The following ZNF514 variants were observed in gnomAD, a reference collection of about 807,000 sequenced individuals.
ZNF514 encodes zinc finger protein 514.
Under a neutral mutation model 9.7 loss-of-function variants are expected in ZNF514, and 12 were observed. The ratio of observed to expected loss-of-function variants is 1.24; its 90% CI spans 0.79 to 2.01. The LOEUF is 2.01. Ranked by LOEUF, ZNF514 falls within the 30% of genes most tolerant of loss-of-function variation. ZNF514 has a pLI of 0.00. For missense variants in ZNF514, 467 were observed against 465.5 expected (o/e 1.00, Z -0.03); for synonymous variants, 158 against 163.7 (o/e 0.97, Z 0.27).
At chr2:95,131,109 T>A in the ZNF514 span, among the ~76,000 whole-genome samples, 1 of 152,170 alleles carries the variant, frequency 6.6e-6, no homozygotes, top group Non-Finnish European at 1.5e-5. Context: ...ATAGACAGAT[T>A]GACAGAACAA....
Position 95,153,117 on chromosome 2 carries a change from G to C in ZNF514, c.121+16C>G, listed in dbSNP as rs376469481. The C allele has an allele frequency of 6.2e-7, 1 of 1,606,700 alleles. No individual in the cohort carries two copies. Among genetic ancestry groups the C allele is most frequent in the Non-Finnish European group, 8.5e-7 (1 of 1,174,600 alleles). ...AAGAAGTCCTGCTGGGTGGGCTTTG[G>C]AGGGCTTGTGCTCACCCAGAATGGC... is the stretch of plus-strand genomic sequence containing the variant. On this transcript the variant is annotated intron_variant, in intron 3 of 4. Coordinates refer to ENST00000295208, the MANE Select transcript of ZNF514 (RefSeq NM_032788.3).
chr2:95,132,621 G>C, the ZNF514 span, among the ~76,000 whole-genome samples: 17 of 152,180 alleles, frequency 1.1e-4, no homozygotes, highest in East Asian at 3.3e-3. Context: ...TGTAATCCCA[G>C]CACTTTGGGA....
At chr2:95,127,751 G>A in the ZNF514 span, among the ~76,000 whole-genome samples, 1 of 152,128 alleles carries the variant, frequency 6.6e-6, no homozygotes, top group Non-Finnish European at 1.5e-5. Context: ...TGGGATTACA[G>A]GTGCCTGCCA....
the ZNF514 span, among the ~76,000 whole-genome samples, chr2:95,129,327 T>C: frequency 6.6e-6 from 1 of 152,300 alleles, no homozygotes; most frequent in African/African-American, 2.4e-5. Flanking sequence ...AAAGAGTCCA[T>C]GGCACTTGAG....
At chr2:95,150,309 T>C (rs949484736) in intron 4 of ZNF514, 42 bp from the exon 5 acceptor site, 10 of 1,505,362 alleles carry the variant, frequency 6.6e-6, no homozygotes, top group Non-Finnish European at 7.9e-6. Context: ...TTCTAGTATG[T>C]AGAATGTCCT....
Position 95,157,389 on chromosome 2 carries a change from C to T in ZNF514, c.-45G>A. The T allele has an allele frequency of 7.8e-7, 1 of 1,289,706 alleles. No individual in the cohort carries two copies. The highest frequency in any genetic ancestry group is 1.0e-6 in the Non-Finnish European group (1 of 988,798). 79.9% of individuals were successfully genotyped at this position (1,289,706 alleles called of 1,614,324 possible). A position where few individuals can be genotyped will look rare whatever the true frequency, so the allele number is the denominator to read the frequency against. ...TTCAGGAATGAATTGGTTGTTCCCTCTTCTCCTGGGAATCTCTCTGGAGGA... is the reference window on the plus strand; with the variant it reads ...TTCAGGAATGAATTGGTTGTTCCCTTTTCTCCTGGGAATCTCTCTGGAGGA... On this transcript the variant is annotated 5_prime_UTR_variant, in exon 2 of 5. Transcript: ENST00000295208.
downstream of ZNF514, among the ~76,000 whole-genome samples, chr2:95,140,867 C>T (rs1484545809): frequency 6.0e-5 from 9 of 150,710 alleles, no homozygotes; most frequent in Admixed American, 2.0e-4. Context: ...CCCAGCTACT[C>T]GGGGGGCTGA....
In ZNF514 at chr2:95,149,255, C is replaced by G; in HGVS notation, c.*27G>C. 23 of 1,533,938 alleles carry G rather than the reference C, an allele frequency of 1.5e-5. No individual in the cohort carries two copies. Among genetic ancestry groups the G allele is most frequent in the Non-Finnish European group, 2.0e-5 (23 of 1,144,572 alleles). The stretch of plus-strand genomic sequence containing the variant: ...AGTTCCAGTGATGTCTGCACTCCAG[C>G]TGAAAGCCCTTCTATATTCACTGAA... On this transcript the variant is annotated 3_prime_UTR_variant, in exon 5 of 5. Coordinates refer to ENST00000295208, the MANE Select transcript of ZNF514 (RefSeq NM_032788.3).
the ZNF514 span, among the ~76,000 whole-genome samples, chr2:95,131,350 C>A: frequency 6.6e-6 from 1 of 152,184 alleles, no homozygotes; most frequent in South Asian, 2.1e-4. Flanking sequence ...TCAGTTCCTG[C>A]CAGCCCACAG....
the ZNF514 span, among the ~76,000 whole-genome samples, chr2:95,137,695 T>C: frequency 6.6e-6 from 1 of 152,164 alleles, no homozygotes; most frequent in Admixed American, 6.5e-5. Context: ...TTGAAGCATT[T>C]CCTTTCTGAA....
the ZNF514 span, among the ~76,000 whole-genome samples, chr2:95,136,264 C>CA: frequency 6.8e-6 from 1 of 147,168 alleles, no homozygotes; most frequent in Admixed American, 6.8e-5. Flanking sequence ...ATCTACAATG[C>CA]TTTTTTTTTT....
chr2:95,149,955 C>A lies in ZNF514; in HGVS notation c.530G>T (p.Gly177Val). Reference protein sequence around the residue: ...VNQHSILMGEGSYKCDTEFRQ... With the variant: ...VNQHSILMGEVSYKCDTEFRQ... ...GAATTCTGTATCACATTTATAAGAT[C>A]CTTCTCCCATGAGAATGCTGTGTTG... The change falls in exon 5 of 5, where the codon GGA becomes GTA. Residue 177 changes from glycine to valine, a missense_variant. Gly to Val is a moderately radical substitution (Grantham distance 109, BLOSUM62 -3). Transcript: ENST00000295208. 1 of 1,614,200 alleles carries A rather than the reference C, an allele frequency of 6.2e-7. No homozygotes were observed. The highest frequency in any genetic ancestry group is 1.3e-5 in the African/African-American group (1 of 75,050).
At chr2:95,136,623 GAA>G in the ZNF514 span, among the ~76,000 whole-genome samples, 129 of 141,942 alleles carry the variant, frequency 9.1e-4, no homozygotes, top group East Asian at 1.4e-3. Context: ...CTCCTAACAG[GAA>G]AAAAAAAAAA....
chr2:95,150,332 A>T (rs1310136485), intron 4 of ZNF514, 65 bp from the exon 5 acceptor site: 12 of 1,462,642 alleles, frequency 8.2e-6, no homozygotes, highest in Non-Finnish European at 9.9e-6. Context: ...GTAGCAAGAA[A>T]AGCAAGCTCC....
the ZNF514 span, among the ~76,000 whole-genome samples, chr2:95,125,513 T>C: frequency 6.6e-5 from 10 of 152,144 alleles, no homozygotes; most frequent in African/African-American, 1.2e-4. Flanking sequence ...GCTGGGATTA[T>C]AGGCGTGAGC....
the ZNF514 span, among the ~76,000 whole-genome samples, chr2:95,127,595 GTTTT>G: frequency 6.6e-6 from 1 of 151,612 alleles, no homozygotes. Flanking sequence ...TTTTGTTTTT[GTTTT>G]TGTTTTTTTG....
At chr2:95,157,474 C>T (rs1673719601) in intron 1 of ZNF514, 35 bp from the exon 2 acceptor site, 2 of 1,231,736 alleles carry the variant, frequency 1.6e-6, no homozygotes, top group South Asian at 1.3e-5. Flanking sequence ...GGGAAGCTGA[C>T]CCAGCCAGCA....
the ZNF514 span, among the ~76,000 whole-genome samples, chr2:95,130,048 G>T: frequency 5.9e-5 from 9 of 152,104 alleles, no homozygotes; most frequent in African/African-American, 1.9e-4. Flanking sequence ...AATCACGTAG[G>T]TTCTTTTCTA....
chr2:95,124,119 C>T, the ZNF514 span, among the ~76,000 whole-genome samples: 1 of 152,060 alleles, frequency 6.6e-6, no homozygotes, highest in African/African-American at 2.4e-5. Flanking sequence ...ATTTCTGTAT[C>T]CAGCACCACA....
Sources: allele counts gnomAD v4.1 joint callset (sites outside exome capture counted in the v4.1 genomes callset), GRCh38; gene constraint gnomAD v4.1.1; transcripts MANE v1.5; gene names NCBI Gene and HGNC (gene_info 2026-07-23, HGNC 2026-07-21).